NECAB2: variants seen among roughly 807,000 people sequenced by gnomAD.
NECAB2 encodes the protein N-terminal EF-hand calcium binding protein 2.
Under a neutral mutation model 51.9 loss-of-function variants are expected in NECAB2, and 68 were observed. The observed-to-expected ratio is 1.31, with a 90% CI of 1.08 to 1.60. NECAB2 has a LOEUF of 1.60. Among genes scored for constraint, NECAB2 ranks in the 40% most tolerant of loss-of-function variants. The probability of loss-of-function intolerance (pLI) is 0.00; values close to 1 mark genes in which losing one functional copy is unlikely to be tolerated. For synonymous variants in NECAB2, 329 were observed against 203.5 expected (o/e 1.62, Z -5.25); for missense variants, 854 against 490.3 (o/e 1.74, Z -7.00).
intron 9 of NECAB2, 126 bp from the exon 10 acceptor site, chr16:83,998,079 A>C (rs2084744606): frequency 1.3e-6 from 1 of 797,862 alleles, no homozygotes; most frequent in Non-Finnish European, 2.0e-6. Flanking sequence ...ATTCATGGGT[A>C]AGAATGAAAA....
rs753959646 is a variant in NECAB2 at position 83,972,168 on chromosome 16, C to T, written c.219C>T (p.Asp73=). The stretch of plus-strand genomic sequence containing the variant: ...TTCTGCAGATTTTCCGCCGTGCGGA[C>T]AAAAATGGTGAGTTTCCCTTCCAGG... ...AVILDIFRRA[D]KNDDGKLSLE... is the part of the protein sequence containing the mutation. Residue 73 remains aspartate (D), a synonymous_variant, in exon 2 of 13, where the codon GAC becomes GAT. Transcript: ENST00000305202. 5.6e-6 allele frequency: 9 copies of T among 1,613,516 alleles called. No homozygotes were observed. The East Asian group carries it at 1.8e-4, about 32-fold the overall frequency.
At position 83,997,213 on chromosome 16, in the gene NECAB2, C is replaced by T. The variant is rs761080025; in HGVS notation, c.796-3C>T. On this transcript the variant is annotated splice_region_variant and splice_polypyrimidine_tract_variant and intron_variant, in intron 8 of 12. Coordinates refer to ENST00000305202, the MANE Select transcript of NECAB2 (RefSeq NM_019065.3). ...AGCATCACTGTGTGCTGGATTGTTT[C>T]AGGCACTGTGGTTCGACCTGCAGCA... 5.0e-6 allele frequency: 8 copies of T among 1,614,160 alleles called. No individual in the cohort carries two copies. The highest frequency in any genetic ancestry group is 4.5e-5 in the East Asian group (2 of 44,878).
At chr16:83,987,187 TAGAAAAACAAGAAACCC>T (rs1476868036) in intron 5 of NECAB2, among the ~76,000 whole-genome samples, 33 of 152,182 alleles carry the variant, frequency 2.2e-4, no homozygotes, top group African/African-American at 7.2e-4. Flanking sequence ...ATAGTAAACT[TAGAAAAACAAGAAACCC>T]AAGAGTCATT....
upstream of NECAB2, among the ~76,000 whole-genome samples, chr16:83,966,822 T>A (rs2084286015): frequency 6.6e-6 from 1 of 152,232 alleles, no homozygotes; most frequent in Non-Finnish European, 1.5e-5. Flanking sequence ...TCCACTGCCG[T>A]CACAGCAAAT....
chr16:83,994,309 C>A lies in NECAB2; in HGVS notation c.604C>A (p.His202Asn), dbSNP rs779426790. ...TTCCCATCCAAACTGCAGACAGAAC[C>A]ACATCAAACCCAGCCACAGCGCGGC... ...EEQTSQLRQN[H>N]IKPSHSAAQT... is the part of the protein sequence containing the mutation. The change falls in exon 7 of 13, where the codon CAC (histidine) becomes AAC (asparagine). Residue 202 changes from histidine to asparagine, a missense_variant. Transcript: ENST00000305202. 8.1e-6 allele frequency: 13 copies of A among 1,614,048 alleles called. No homozygotes were observed. Among genetic ancestry groups the A allele is most frequent in the South Asian group, 1.1e-5 (1 of 91,080 alleles).
chr16:83,991,627 G>C (rs1022480177), intron 6 of NECAB2, among the ~76,000 whole-genome samples: 3 of 150,834 alleles, frequency 2.0e-5, no homozygotes, highest in African/African-American at 7.3e-5. Flanking sequence ...TGCTGGGATT[G>C]CAGGCTTGAG....
chr16:83,999,368 G>C (rs2084776059), intron 10 of NECAB2, among the ~76,000 whole-genome samples: 2 of 152,318 alleles, frequency 1.3e-5, no homozygotes, highest in Middle Eastern at 3.4e-3. Flanking sequence ...GAGGCTCCAG[G>C]GTGAAGTAGG....
At chr16:83,976,458 C>G (rs1358959573) in intron 2 of NECAB2, among the ~76,000 whole-genome samples, 1 of 152,264 alleles carries the variant, frequency 6.6e-6, no homozygotes, top group Non-Finnish European at 1.5e-5. Flanking sequence ...TGGTGTGACT[C>G]CACACTGGGA....
chr16:84,001,325 G>C (rs2084829458), intron 11 of NECAB2, among the ~76,000 whole-genome samples: 1 of 151,972 alleles, frequency 6.6e-6, no homozygotes, highest in Admixed American at 6.5e-5. Flanking sequence ...CCCACAGGCA[G>C]GAAGCGGGGC....
chr16:83,975,916 C>G (rs1368109405), intron 2 of NECAB2, among the ~76,000 whole-genome samples: 1 of 152,154 alleles, frequency 6.6e-6, no homozygotes, highest in Non-Finnish European at 1.5e-5. Flanking sequence ...ATGTTTTTTC[C>G]TCATTAGTGA....
At chr16:83,974,913 TG>T (rs2084389266) in intron 2 of NECAB2, among the ~76,000 whole-genome samples, 1 of 128,920 alleles carries the variant, frequency 7.8e-6, no homozygotes, top group African/African-American at 3.6e-5. Context: ...CAGGGAGGCG[TG>T]GGTGCGGGGA....
rs867493026 is a variant in NECAB2 at position 84,000,597 on chromosome 16, A to T, written c.963-127A>T. On this transcript the variant is annotated intron_variant, in intron 10 of 12. Transcript: ENST00000305202. ...CCCTGTCGAGTCTCGATGGAGGTCAAGACAGGAAGAAACATTGAAGGCAGC... is the reference window on the plus strand; with the variant it reads ...CCCTGTCGAGTCTCGATGGAGGTCATGACAGGAAGAAACATTGAAGGCAGC... The T allele has an allele frequency of 5.8e-6, 4 of 694,622 alleles. No individual in the cohort carries two copies. The East Asian group carries it at 1.0e-4, about 18-fold the overall frequency. 43.0% of individuals were successfully genotyped at this position (694,622 alleles called of 1,614,324 possible).
intron 1 of NECAB2, among the ~76,000 whole-genome samples, chr16:83,970,930 T>G (rs2084340731): frequency 6.6e-6 from 1 of 152,044 alleles, no homozygotes; most frequent in African/African-American, 2.4e-5. Flanking sequence ...TCGTCTCTAC[T>G]AAAAAATACA....
At chr16:83,974,987 GGTGCGGGAATGTGAACCGGT>G (rs1597197532) in intron 2 of NECAB2, among the ~76,000 whole-genome samples, 348 of 135,680 alleles carry the variant, frequency 2.6e-3, no homozygotes, top group African/African-American at 8.9e-3. Flanking sequence ...GGGAGGTGTG[GGTGCGGGAATGTGAACCGGT>G]GTGCAGGGAT....
In NECAB2 at chr16:83,997,213, C is replaced by A. The variant is rs761080025; in HGVS notation, c.796-3C>A. ...AGCATCACTGTGTGCTGGATTGTTT[C>A]AGGCACTGTGGTTCGACCTGCAGCA... On this transcript the variant is annotated splice_region_variant and splice_polypyrimidine_tract_variant and intron_variant, in intron 8 of 12. Transcript: ENST00000305202. The A allele has an allele frequency of 1.9e-6, 3 of 1,614,160 alleles. No individual in the cohort carries two copies. Among genetic ancestry groups the A allele is most frequent in the East Asian group, 4.5e-5 (2 of 44,878 alleles).
intron 6 of NECAB2, among the ~76,000 whole-genome samples, chr16:83,991,486 C>T (rs1386521191): frequency 6.6e-6 from 1 of 151,162 alleles, no homozygotes; most frequent in African/African-American, 2.4e-5. Flanking sequence ...CCTGCCTCAG[C>T]CTCCCTAGTA....
chr16:83,995,089 A>G (rs1273015142), intron 8 of NECAB2, among the ~76,000 whole-genome samples: 2 of 152,198 alleles, frequency 1.3e-5, no homozygotes, highest in Non-Finnish European at 2.9e-5. Flanking sequence ...ATGATTCGAG[A>G]GAGTTTCAAA....
At chr16:83,995,996 C>T (rs569043334) in intron 8 of NECAB2, among the ~76,000 whole-genome samples, 4 of 152,312 alleles carry the variant, frequency 2.6e-5, no homozygotes, top group African/African-American at 9.6e-5. Context: ...CCTGGGCGTC[C>T]TGGAGACGGG....
At chr16:83,996,136 T>G (rs1490131177) in intron 8 of NECAB2, among the ~76,000 whole-genome samples, 5 of 152,140 alleles carry the variant, frequency 3.3e-5, no homozygotes, top group Admixed American at 3.3e-4. Flanking sequence ...GGATGGAGGC[T>G]CTAGGGGCCC....
Sources: allele counts gnomAD v4.1 joint callset (sites outside exome capture counted in the v4.1 genomes callset), GRCh38; gene constraint gnomAD v4.1.1; transcripts MANE v1.5; gene names NCBI Gene and HGNC (gene_info 2026-07-23, HGNC 2026-07-21).